CALN1: variants seen among roughly 807,000 people sequenced by gnomAD.
CALN1 encodes the protein calneuron 1.
Under a neutral mutation model 30.6 loss-of-function variants are expected in CALN1, and 17 were observed. The ratio of observed to expected loss-of-function variants is 0.56; its 90% CI spans 0.38 to 0.83. The LOEUF is 0.83. Ranked by LOEUF, CALN1 falls within the 40% of genes least tolerant of loss-of-function variation. The pLI, the probability that CALN1 is intolerant of heterozygous loss-of-function variation, is 0.00. For synonymous variants in CALN1, 156 were observed against 131.4 expected (o/e 1.19, Z -1.28); for missense variants, 291 against 354.9 (o/e 0.82, Z 1.45).
chr7:71,856,335 T>G (rs1024266924), intron 5 of CALN1, among the ~76,000 whole-genome samples: 1 of 151,968 alleles, frequency 6.6e-6, no homozygotes, highest in African/African-American at 2.4e-5. Context: ...GTGGCCCAGG[T>G]TGGAGTGCAG....
At chr7:72,038,137 T>C (rs1032350352) in intron 4 of CALN1, among the ~76,000 whole-genome samples, 3 of 151,902 alleles carry the variant, frequency 2.0e-5, no homozygotes, top group African/African-American at 7.3e-5. Context: ...TCCCTGATAT[T>C]TGGAGAACAG....
intron 4 of CALN1, among the ~76,000 whole-genome samples, chr7:72,078,859 C>G (rs968370570): frequency 1.3e-5 from 2 of 152,116 alleles, no homozygotes; most frequent in Non-Finnish European, 2.9e-5. Context: ...TCGCCTGAAC[C>G]TGGGAGATGG....
intron 2 of CALN1, 136 bp downstream of exon 2, chr7:72,403,115 C>T (rs1806451449): frequency 1.6e-6 from 1 of 619,382 alleles, no homozygotes; most frequent in African/African-American, 1.8e-5. Flanking sequence ...GACAGCTCTC[C>T]CAGGTGTCCA....
At chr7:72,195,432 C>T (rs531610250) in intron 3 of CALN1, among the ~76,000 whole-genome samples, 8 of 152,312 alleles carry the variant, frequency 5.3e-5, no homozygotes, top group South Asian at 2.1e-4. Context: ...GGCTGGAGTG[C>T]GGTGATGCAA....
At chr7:71,894,851 C>T (rs141130095) in intron 5 of CALN1, among the ~76,000 whole-genome samples, 87 of 152,220 alleles carry the variant, frequency 5.7e-4, no homozygotes, top group African/African-American at 2.0e-3. Context: ...TTCCTGTGTG[C>T]TTTATATTTT....
At chr7:71,899,210 C>G (rs1282841138) in intron 5 of CALN1, among the ~76,000 whole-genome samples, 1 of 148,046 alleles carries the variant, frequency 6.8e-6, no homozygotes, top group African/African-American at 2.5e-5. Context: ...ATGGCGCGAT[C>G]TCGGCTCACT....
chr7:71,796,637 C>T (rs1280946891), intron 6 of CALN1, among the ~76,000 whole-genome samples: 2 of 152,114 alleles, frequency 1.3e-5, no homozygotes, highest in Non-Finnish European at 2.9e-5. Flanking sequence ...AGATTACAGG[C>T]GTGAGCCACC....
chr7:71,832,127 T>G (rs1390365955), intron 5 of CALN1, among the ~76,000 whole-genome samples: 12 of 152,190 alleles, frequency 7.9e-5, no homozygotes, highest in South Asian at 2.1e-4. Context: ...TCCTCGTGGC[T>G]AAAACACCCC....
intron 5 of CALN1, among the ~76,000 whole-genome samples, chr7:71,811,797 G>A (rs1787978963): frequency 6.6e-6 from 1 of 151,228 alleles, no homozygotes; most frequent in Admixed American, 6.6e-5. Context: ...TCCTTCCTCA[G>A]CCTCCCGAGT....
intron 5 of CALN1, among the ~76,000 whole-genome samples, chr7:71,847,773 AAAGAAGAAG>A (rs373772692): frequency 1.4e-5 from 2 of 145,226 alleles, no homozygotes; most frequent in African/African-American, 5.2e-5. Flanking sequence ...GAAGAAGAAG[AAAGAAGAAG>A]AAGAAGAAGA....
intron 2 of CALN1, among the ~76,000 whole-genome samples, chr7:72,285,677 T>C (rs1175762044): frequency 6.6e-6 from 1 of 152,240 alleles, no homozygotes; most frequent in African/African-American, 2.4e-5. Context: ...TTTCTGGTAA[T>C]GAACCACAGA....
At chr7:71,801,034 A>G (rs1017600431) in intron 6 of CALN1, among the ~76,000 whole-genome samples, 2 of 151,566 alleles carry the variant, frequency 1.3e-5, no homozygotes, top group East Asian at 1.9e-4. Context: ...TCATTATTCA[A>G]CTCCCACTTA....
chr7:71,900,892 C>T (rs570135717), intron 5 of CALN1, among the ~76,000 whole-genome samples: 52 of 152,336 alleles, frequency 3.4e-4, no homozygotes, highest in African/African-American at 1.2e-3. Context: ...TGTACAGTAA[C>T]TGTGCACGTG....
intron 5 of CALN1, among the ~76,000 whole-genome samples, chr7:72,004,991 A>G (rs1253144875): frequency 2.0e-5 from 3 of 152,220 alleles, no homozygotes; most frequent in Non-Finnish European, 2.9e-5. Flanking sequence ...ATAGTGACAT[A>G]CCAAAGCTGG....
chr7:72,416,473 G>A (rs953205523), upstream of CALN1, among the ~76,000 whole-genome samples: 8 of 152,114 alleles, frequency 5.3e-5, no homozygotes, highest in African/African-American at 1.9e-4. Flanking sequence ...GGTGGCTCAC[G>A]CTGTAATCCC....
intron 3 of CALN1, among the ~76,000 whole-genome samples, chr7:72,149,679 A>T (rs1457690891): frequency 6.6e-6 from 1 of 151,962 alleles, no homozygotes; most frequent in Non-Finnish European, 1.5e-5. Flanking sequence ...AGGGAGGCAG[A>T]TTTGAGATTT....
chr7:72,382,161 T>C (rs1427576199), intron 2 of CALN1, among the ~76,000 whole-genome samples: 5 of 152,204 alleles, frequency 3.3e-5, no homozygotes, highest in Admixed American at 3.3e-4. Context: ...AGTCAAGTCC[T>C]TCAGCTGATG....
At chr7:72,256,847 T>TC (rs1162914164) in intron 3 of CALN1, among the ~76,000 whole-genome samples, 4 of 152,072 alleles carry the variant, frequency 2.6e-5, no homozygotes, top group Admixed American at 2.0e-4. Context: ...CCTTACTCCT[T>TC]CCCTCTGACA....
chr7:71,905,387 T>C (rs1052582940), intron 5 of CALN1, among the ~76,000 whole-genome samples: 4 of 151,858 alleles, frequency 2.6e-5, no homozygotes, highest in Admixed American at 6.6e-5. Context: ...GTGTAGTTTT[T>C]TTTTTTTTTA....
Sources: allele counts gnomAD v4.1 joint callset (sites outside exome capture counted in the v4.1 genomes callset), GRCh38; gene constraint gnomAD v4.1.1; transcripts MANE v1.5; gene names NCBI Gene and HGNC (gene_info 2026-07-23, HGNC 2026-07-21).